The following PRR16 variants were observed in gnomAD, a reference collection of about 807,000 sequenced individuals.
PRR16 encodes proline rich 16, also known as protein Largen.
PRR16 carries 6 observed loss-of-function variants against 18.2 expected under a neutral mutation model. That is an observed-to-expected ratio of 0.33 (90% CI 0.18 to 0.65). PRR16 has a LOEUF of 0.65. Among genes scored for constraint, PRR16 ranks in the 30% least tolerant of loss-of-function variants. PRR16 has a pLI of 0.74. For missense variants in PRR16, 412 were observed against 376.6 expected (o/e 1.09, Z -0.78); for synonymous variants, 151 against 147.8 (o/e 1.02, Z -0.16).
chr5:120,760,606 G>GCAT, the PRR16 span, among the ~76,000 whole-genome samples: 9 of 151,282 alleles, frequency 5.9e-5, no homozygotes, highest in East Asian at 5.8e-4. Flanking sequence ...TAAAGCCAAA[G>GCAT]CATGTTGCTT....
At chr5:120,476,605 C>G (rs1216051639) in intron 1 of PRR16, among the ~76,000 whole-genome samples, 1 of 152,098 alleles carries the variant, frequency 6.6e-6, no homozygotes. Flanking sequence ...GCCAATCGTT[C>G]TACTTGTGTG....
At chr5:120,464,747 G>C in intron 1 of PRR16, 102 bp downstream of exon 1, 1 of 1,286,462 alleles carries the variant, frequency 7.8e-7, no homozygotes, top group Non-Finnish European at 1.0e-6. Context: ...AAACTCCTGG[G>C]AAACTACAGA....
intron 1 of PRR16, among the ~76,000 whole-genome samples, chr5:120,520,938 C>T (rs912520334): frequency 6.6e-6 from 1 of 151,790 alleles, no homozygotes; most frequent in African/African-American, 2.4e-5. Context: ...GGTCATGGTC[C>T]CCCATTAGAT....
chr5:120,694,981 AT>A, the PRR16 span, among the ~76,000 whole-genome samples: 1 of 152,240 alleles, frequency 6.6e-6, no homozygotes, highest in Non-Finnish European at 1.5e-5. Flanking sequence ...AGTTTGTGAT[AT>A]ATTTGAATAC....
At chr5:120,496,176 C>T (rs1233437360) in intron 1 of PRR16, among the ~76,000 whole-genome samples, 1 of 151,832 alleles carries the variant, frequency 6.6e-6, no homozygotes, top group Non-Finnish European at 1.5e-5. Flanking sequence ...GTATATAGCT[C>T]AATTCTATTT....
At chr5:120,751,570 T>G in the PRR16 span, among the ~76,000 whole-genome samples, 2 of 152,122 alleles carry the variant, frequency 1.3e-5, no homozygotes, top group Non-Finnish European at 2.9e-5. Context: ...CTTTACAGTT[T>G]AAATTCCTTT....
At chr5:120,758,821 T>C in the PRR16 span, among the ~76,000 whole-genome samples, 57 of 152,220 alleles carry the variant, frequency 3.7e-4, no homozygotes, top group African/African-American at 1.3e-3. Context: ...GAAAACAAAC[T>C]AATACATTAG....
At chr5:120,576,074 A>G (rs988902011) in intron 1 of PRR16, among the ~76,000 whole-genome samples, 1 of 152,200 alleles carries the variant, frequency 6.6e-6, no homozygotes, top group Non-Finnish European at 1.5e-5. Flanking sequence ...CTACAAAACT[A>G]TAAGCATAAA....
At chr5:120,667,286 G>A (rs1261843307) in intron 1 of PRR16, among the ~76,000 whole-genome samples, 3 of 151,362 alleles carry the variant, frequency 2.0e-5, no homozygotes, top group Non-Finnish European at 4.4e-5. Context: ...TATTTCTGTG[G>A]GATCAGTGGT....
At chr5:120,621,774 C>A (rs1754697830) in intron 1 of PRR16, among the ~76,000 whole-genome samples, 1 of 152,122 alleles carries the variant, frequency 6.6e-6, no homozygotes, top group Non-Finnish European at 1.5e-5. Context: ...TTCCCCCTGG[C>A]CTTCACCATG....
chr5:120,723,069 A>T, the PRR16 span, among the ~76,000 whole-genome samples: 2 of 152,024 alleles, frequency 1.3e-5, no homozygotes. Context: ...CAATTTAATA[A>T]TCTATATAAA....
intron 1 of PRR16, among the ~76,000 whole-genome samples, chr5:120,528,538 A>C (rs930105994): frequency 6.6e-6 from 1 of 152,192 alleles, no homozygotes; most frequent in East Asian, 1.9e-4. Flanking sequence ...GGAAATACAA[A>C]TAATCTGTAA....
the PRR16 span, among the ~76,000 whole-genome samples, chr5:120,781,840 A>C: frequency 6.6e-6 from 1 of 152,166 alleles, no homozygotes; most frequent in Non-Finnish European, 1.5e-5. Flanking sequence ...ATTTCACCAA[A>C]TTCATTTTTC....
intron 1 of PRR16, among the ~76,000 whole-genome samples, chr5:120,486,715 C>T (rs1275391712): frequency 6.6e-6 from 1 of 152,076 alleles, no homozygotes; most frequent in Admixed American, 6.6e-5. Flanking sequence ...ACATGAAGTC[C>T]TTGCCCATGT....
intron 1 of PRR16, among the ~76,000 whole-genome samples, chr5:120,637,183 T>G (rs1388593816): frequency 6.6e-6 from 1 of 152,076 alleles, no homozygotes; most frequent in Non-Finnish European, 1.5e-5. Context: ...AAACTGTTGT[T>G]GGTAATATAA....
chr5:120,748,382 A>AT, the PRR16 span, among the ~76,000 whole-genome samples: 2 of 151,948 alleles, frequency 1.3e-5, no homozygotes, highest in Non-Finnish European at 1.5e-5. Flanking sequence ...TCCTTACACC[A>AT]TTTTTTTGCA....
At chr5:120,755,875 GA>G in the PRR16 span, among the ~76,000 whole-genome samples, 1 of 152,076 alleles carries the variant, frequency 6.6e-6, no homozygotes, top group African/African-American at 2.4e-5. Context: ...CAGATTTACT[GA>G]AAGAAAAGTG....
the PRR16 span, among the ~76,000 whole-genome samples, chr5:120,782,728 A>AAACAAACAGAGCCCTGAATTTTATT: frequency 2.6e-5 from 4 of 151,664 alleles, no homozygotes; most frequent in East Asian, 7.8e-4. Context: ...CTGCTTTTTC[A>AAACAAACAGAGCCCTGAATTTTATT]AACAAACAGA....
At chr5:120,748,004 A>T in the PRR16 span, among the ~76,000 whole-genome samples, 1 of 152,090 alleles carries the variant, frequency 6.6e-6, no homozygotes, top group Non-Finnish European at 1.5e-5. Flanking sequence ...CGTTGCTGCC[A>T]TATATTTCTC....
Sources: allele counts gnomAD v4.1 joint callset (sites outside exome capture counted in the v4.1 genomes callset), GRCh38; gene constraint gnomAD v4.1.1; transcripts MANE v1.5; gene names NCBI Gene and HGNC (gene_info 2026-07-23, HGNC 2026-07-21).